The following ZRANB3 variants were observed in gnomAD, a reference collection of about 807,000 sequenced individuals.
ZRANB3 encodes the protein zinc finger RANBP2-type containing 3.
A neutral mutation model predicts 133.8 loss-of-function variants in ZRANB3; 125 were observed. The observed-to-expected ratio is 0.93, with a 90% CI of 0.81 to 1.08. ZRANB3 has a LOEUF of 1.08. Ranked by LOEUF, ZRANB3 falls within the 50% of genes least tolerant of loss-of-function variation. The pLI is 0.00. For synonymous variants in ZRANB3, 387 were observed against 432.7 expected (o/e 0.89, Z 1.31); for missense variants, 1,229 against 1,275.5 (o/e 0.96, Z 0.56).
intron 8 of ZRANB3, among the ~76,000 whole-genome samples, chr2:135,303,188 A>G (rs1311616639): frequency 6.6e-6 from 1 of 152,184 alleles, no homozygotes; most frequent in Non-Finnish European, 1.5e-5. Flanking sequence ...AGTATTTTTC[A>G]TACTACGTAT....
At chr2:135,204,968 ACAG>A (rs1274060259) in intron 19 of ZRANB3, among the ~76,000 whole-genome samples, 1 of 151,880 alleles carries the variant, frequency 6.6e-6, no homozygotes, top group Non-Finnish European at 1.5e-5. Flanking sequence ...TCATGCTGAA[ACAG>A]CAGTAACTGG....
intron 12 of ZRANB3, among the ~76,000 whole-genome samples, chr2:135,251,185 G>T (rs1391578758): frequency 6.6e-6 from 1 of 152,180 alleles, no homozygotes; most frequent in Non-Finnish European, 1.5e-5. Flanking sequence ...ACTTGCATGG[G>T]CCCTGTATCC....
At chr2:135,527,524 G>A (rs544796169) in intron 1 of ZRANB3, among the ~76,000 whole-genome samples, 2 of 151,750 alleles carry the variant, frequency 1.3e-5, no homozygotes, top group Non-Finnish European at 2.9e-5. Flanking sequence ...CTCCAGCCTG[G>A]AAGACAGAGC....
Position 135,407,454 on chromosome 2 carries a change from C to T in ZRANB3, c.162-16634G>A, listed in dbSNP as rs1288937361. On this transcript the variant is annotated intron_variant, in intron 2 of 20. Coordinates refer to ENST00000264159, the MANE Select transcript of ZRANB3 (RefSeq NM_032143.4). Reference sequence around the variant, plus strand: ...ATCAAGCTACCAATGACTTTCTTCACAGAATTGGAAAAAACTACTTTAAAG... The same window carrying T: ...ATCAAGCTACCAATGACTTTCTTCATAGAATTGGAAAAAACTACTTTAAAG... Among the ~76,000 whole-genome samples, 669 of 150,620 alleles carry T rather than the reference C, an allele frequency of 4.4e-3. 9 individuals carry two copies. Among genetic ancestry groups the T allele is most frequent in the African/African-American group, 0.015 (607 of 40,422 alleles).
chr2:135,315,962 TAGG>T (rs1683230709), intron 6 of ZRANB3, among the ~76,000 whole-genome samples: 4 of 152,184 alleles, frequency 2.6e-5, no homozygotes, highest in Non-Finnish European at 5.9e-5. Context: ...CTGTGCCCTC[TAGG>T]AGGAGATATT....
At chr2:135,522,473 G>C (rs1036447555) in intron 1 of ZRANB3, among the ~76,000 whole-genome samples, 1 of 152,140 alleles carries the variant, frequency 6.6e-6, no homozygotes, top group Non-Finnish European at 1.5e-5. Flanking sequence ...CCCCAACAGG[G>C]AGAAAAAAGC....
intron 19 of ZRANB3, among the ~76,000 whole-genome samples, chr2:135,204,786 TAC>T (rs1444767505): frequency 7.1e-6 from 1 of 141,002 alleles, no homozygotes; most frequent in Non-Finnish European, 1.5e-5. Flanking sequence ...CTTATATATA[TAC>T]ATTATATATA....
chr2:135,230,003 T>C (rs1694923321), intron 13 of ZRANB3, among the ~76,000 whole-genome samples: 1 of 152,120 alleles, frequency 6.6e-6, no homozygotes, highest in Non-Finnish European at 1.5e-5. Context: ...GGTTCACAAA[T>C]GAAGATTGAT....
intron 2 of ZRANB3, among the ~76,000 whole-genome samples, chr2:135,477,697 T>A (rs748552812): frequency 6.6e-6 from 1 of 152,148 alleles, no homozygotes; most frequent in African/African-American, 2.4e-5. Context: ...TGAAGTAGCA[T>A]AAGAAAATAC....
At chr2:135,275,877 G>T in intron 8 of ZRANB3, 122 bp from the exon 9 acceptor site, 1 of 709,602 alleles carries the variant, frequency 1.4e-6, no homozygotes, top group Non-Finnish European at 2.1e-6. Context: ...TAGCTGCATT[G>T]TTCTCTAGGT....
chr2:135,360,747 C>A (rs1330403713), intron 3 of ZRANB3, among the ~76,000 whole-genome samples: 3 of 152,036 alleles, frequency 2.0e-5, no homozygotes, highest in Admixed American at 6.6e-5. Context: ...ACTTTTAAAA[C>A]ATGTACTTAG....
intron 2 of ZRANB3, among the ~76,000 whole-genome samples, chr2:135,392,477 C>T (rs1256425436): frequency 1.3e-5 from 2 of 151,804 alleles, no homozygotes; most frequent in Non-Finnish European, 2.9e-5. Flanking sequence ...TGGCCGGGCA[C>T]GGTGGCTAAC....
At chr2:135,482,412 CTGTT>C (rs1476161791) in intron 2 of ZRANB3, among the ~76,000 whole-genome samples, 4 of 148,188 alleles carry the variant, frequency 2.7e-5, no homozygotes, top group African/African-American at 1.0e-4. Context: ...ATTTGGCTCT[CTGTT>C]TGTCTGTTGA....
At chr2:135,226,864 A>T (rs1225384947) in intron 14 of ZRANB3, among the ~76,000 whole-genome samples, 1 of 152,228 alleles carries the variant, frequency 6.6e-6, no homozygotes, top group Non-Finnish European at 1.5e-5. Flanking sequence ...TACACTGTCT[A>T]CTTAAAAGCT....
intron 2 of ZRANB3, among the ~76,000 whole-genome samples, chr2:135,478,901 T>TA (rs1368518508): frequency 6.6e-6 from 1 of 151,850 alleles, no homozygotes; most frequent in Non-Finnish European, 1.5e-5. Context: ...ATGTATATTT[T>TA]ATGTTCTATA....
chr2:135,527,380 G>A (rs1694206359), intron 1 of ZRANB3, among the ~76,000 whole-genome samples: 1 of 152,174 alleles, frequency 6.6e-6, no homozygotes. Flanking sequence ...GCAACATGGT[G>A]AAACCCCATC....
chr2:135,291,435 G>A (rs901830606), intron 8 of ZRANB3, among the ~76,000 whole-genome samples: 5 of 151,912 alleles, frequency 3.3e-5, no homozygotes, highest in African/African-American at 7.3e-5. Flanking sequence ...CAGCCCCCTC[G>A]GCCTCCCAAA....
chr2:135,520,709 C>T (rs1443152110), intron 1 of ZRANB3, among the ~76,000 whole-genome samples: 3 of 152,014 alleles, frequency 2.0e-5, no homozygotes, highest in East Asian at 3.9e-4. Context: ...CTCAGCCTCC[C>T]GAGGAGCTGG....
intron 8 of ZRANB3, among the ~76,000 whole-genome samples, chr2:135,296,982 C>A (rs1355529002): frequency 1.3e-5 from 2 of 152,248 alleles, no homozygotes; most frequent in African/African-American, 2.4e-5. Context: ...TGTCAGTCCG[C>A]CCCTACTGGG....
Sources: gnomAD v4.1 joint callset for allele counts (sites outside exome capture counted in the v4.1 genomes callset) on GRCh38, gnomAD v4.1.1 for gene constraint, MANE v1.5 for transcripts, NCBI Gene and HGNC (gene_info 2026-07-23, HGNC 2026-07-21) for gene names.